MORC1: variants seen among roughly 807,000 people sequenced by gnomAD.
The protein encoded by MORC1 is MORC family CW-type zinc finger 1.
Under a neutral mutation model 134.9 loss-of-function variants are expected in MORC1, and 59 were observed. That is an observed-to-expected ratio of 0.44 (90% CI 0.35 to 0.54). The LOEUF (loss-of-function observed/expected upper bound fraction) is 0.54, where lower values mean the gene tolerates loss of function less well. Among genes scored for constraint, MORC1 ranks in the 20% least tolerant of loss-of-function variants. The pLI is 0.00. For missense variants in MORC1, 947 were observed against 1,134.5 expected (o/e 0.83, Z 2.37); for synonymous variants, 395 against 391.7 (o/e 1.01, Z -0.10).
At chr3:109,035,903 CTTTAT>C (rs996193261) in intron 14 of MORC1, among the ~76,000 whole-genome samples, 9 of 152,004 alleles carry the variant, frequency 5.9e-5, no homozygotes, top group African/African-American at 1.9e-4. Context: ...GGTTTTTAAT[CTTTAT>C]TTTATCTCTG....
At chr3:109,085,704 T>G (rs992846285) in intron 8 of MORC1, among the ~76,000 whole-genome samples, 1 of 152,024 alleles carries the variant, frequency 6.6e-6, no homozygotes, top group South Asian at 2.1e-4. Context: ...GTATGAAGGC[T>G]CCTCAAAAAA....
At chr3:109,047,473 A>G (rs907318826) in intron 14 of MORC1, among the ~76,000 whole-genome samples, 2 of 152,188 alleles carry the variant, frequency 1.3e-5, no homozygotes, top group African/African-American at 2.4e-5. Flanking sequence ...TCAGAAAGGA[A>G]GCATAAGTGC....
intron 13 of MORC1, among the ~76,000 whole-genome samples, chr3:109,055,441 C>T (rs1949936751): frequency 6.6e-6 from 1 of 152,190 alleles, no homozygotes; most frequent in South Asian, 2.1e-4. Context: ...CTTTAGGGCT[C>T]CCCACTGCCT....
At chr3:109,112,765 C>T (rs1223068048) in intron 2 of MORC1, among the ~76,000 whole-genome samples, 2 of 152,058 alleles carry the variant, frequency 1.3e-5, no homozygotes, top group African/African-American at 4.8e-5. Context: ...CCTTTTTTCT[C>T]CCTTCCTTTT....
At chr3:109,099,860 A>G (rs1284718917) in intron 5 of MORC1, among the ~76,000 whole-genome samples, 1 of 152,246 alleles carries the variant, frequency 6.6e-6, no homozygotes, top group Non-Finnish European at 1.5e-5. Flanking sequence ...GCAACAAAGC[A>G]CTAAAGTACA....
chr3:109,009,483 C>T lies in MORC1; in HGVS notation c.1705-2392G>A, dbSNP rs1269635628. On this transcript the variant is annotated intron_variant, in intron 17 of 27. Transcript: ENST00000232603. ...CCTCCCAAAGTGCTGGGATTACAGG[C>T]GTGAGCCACCACGCCTGGCCCTTTC... is the stretch of plus-strand genomic sequence containing the variant. Among the ~76,000 whole-genome samples the T allele has an allele frequency of 3.3e-5, 5 of 152,138 alleles. No homozygotes were observed. The South Asian group carries it at 8.3e-4, about 25-fold the overall frequency.
chr3:109,080,286 AAGAG>A (rs371885682), intron 8 of MORC1, among the ~76,000 whole-genome samples: 63 of 152,206 alleles, frequency 4.1e-4, no homozygotes, highest in Non-Finnish European at 8.7e-4. Context: ...GCAGCAGGTA[AAGAG>A]AGAGAGAGTT....
chr3:108,971,630 T>G (rs1442845791), intron 24 of MORC1, among the ~76,000 whole-genome samples: 1 of 152,168 alleles, frequency 6.6e-6, no homozygotes, highest in Non-Finnish European at 1.5e-5. Context: ...GAGGGACCAT[T>G]CTGGCAAAGG....
At chr3:109,038,641 C>T (rs775519043) in intron 14 of MORC1, among the ~76,000 whole-genome samples, 14 of 152,138 alleles carry the variant, frequency 9.2e-5, no homozygotes, top group Admixed American at 3.3e-4. Flanking sequence ...GATCCACTTT[C>T]GGCTTTCTTC....
chr3:109,022,265 G>C (rs1483009719), intron 17 of MORC1, among the ~76,000 whole-genome samples: 1 of 152,138 alleles, frequency 6.6e-6, no homozygotes, highest in East Asian at 1.9e-4. Context: ...AACCTCAGCA[G>C]CCTACACAAT....
At chr3:108,977,015 T>G (rs541042525) in intron 24 of MORC1, among the ~76,000 whole-genome samples, 77 of 152,304 alleles carry the variant, frequency 5.1e-4, no homozygotes, top group Non-Finnish European at 6.2e-4. Flanking sequence ...AAAGTTGATC[T>G]ATCTGAAAAA....
chr3:109,051,819 G>A (rs574216866), intron 14 of MORC1, among the ~76,000 whole-genome samples: 2 of 152,100 alleles, frequency 1.3e-5, no homozygotes, highest in East Asian at 1.9e-4. Flanking sequence ...GTAAGGAGTG[G>A]GGGCTAGCAA....
At chr3:109,103,773 G>A (rs1175833074) in intron 4 of MORC1, 76 bp downstream of exon 4, 29 of 1,332,812 alleles carry the variant, frequency 2.2e-5, no homozygotes, top group Non-Finnish European at 3.1e-5. Flanking sequence ...TGCATAGATA[G>A]CTCAATTTAT....
At chr3:109,102,412 T>A (rs919760808) in intron 4 of MORC1, among the ~76,000 whole-genome samples, 3 of 152,034 alleles carry the variant, frequency 2.0e-5, no homozygotes, top group African/African-American at 7.2e-5. Flanking sequence ...CAGGAAAATG[T>A]ACATTAAAAG....
At chr3:108,999,532 A>C (rs1948336743) in intron 21 of MORC1, among the ~76,000 whole-genome samples, 1 of 152,204 alleles carries the variant, frequency 6.6e-6, no homozygotes, top group Non-Finnish European at 1.5e-5. Flanking sequence ...GGACATTATC[A>C]TAAGTTAAGC....
At chr3:108,960,525 A>G (rs1005078715) in intron 27 of MORC1, among the ~76,000 whole-genome samples, 6 of 152,238 alleles carry the variant, frequency 3.9e-5, no homozygotes, top group African/African-American at 1.4e-4. Flanking sequence ...AGCAAAGGTC[A>G]TGACAACAAT....
intron 2 of MORC1, 101 bp downstream of exon 2, chr3:109,114,283 G>T: frequency 9.5e-7 from 1 of 1,052,376 alleles, no homozygotes; most frequent in Non-Finnish European, 1.3e-6. Context: ...AAACATTCCA[G>T]ATGGGAAAAT....
chr3:109,058,691 T>A (rs1292303909), intron 12 of MORC1, among the ~76,000 whole-genome samples: 1 of 151,992 alleles, frequency 6.6e-6, no homozygotes, highest in Non-Finnish European at 1.5e-5. Context: ...TTCTCAAAAA[T>A]CACTACTCAG....
At chr3:109,053,018 G>A (rs916423648) in intron 14 of MORC1, among the ~76,000 whole-genome samples, 3 of 151,074 alleles carry the variant, frequency 2.0e-5, no homozygotes, top group Admixed American at 2.0e-4. Context: ...AAAAAAAATG[G>A]TCCACATCAC....
Sources: allele counts gnomAD v4.1 joint callset (sites outside exome capture counted in the v4.1 genomes callset), GRCh38; gene constraint gnomAD v4.1.1; transcripts MANE v1.5; gene names NCBI Gene and HGNC (gene_info 2026-07-23, HGNC 2026-07-21).